FAAH2: variants seen among roughly 807,000 people sequenced by gnomAD.
FAAH2 encodes the protein fatty-acid amide hydrolase 2.
FAAH2 carries 60 observed loss-of-function variants against 36.9 expected under a neutral mutation model. That is an observed-to-expected ratio of 1.63 (90% CI 1.32 to 2.02). The LOEUF is 2.02. Among genes scored for constraint, FAAH2 ranks in the 30% most tolerant of loss-of-function variants. The pLI is 0.00. For missense variants in FAAH2, 689 were observed against 397.5 expected (o/e 1.73, Z -6.23); for synonymous variants, 214 against 143.8 (o/e 1.49, Z -3.49).
the FAAH2 span, among the ~76,000 whole-genome samples, chrX:57,245,759 C>A: frequency 8.9e-6 from 1 of 112,101 alleles, no homozygotes; most frequent in Non-Finnish European, 1.9e-5. Context: ...CACTAAATGC[C>A]CACAAGAGAA....
the FAAH2 span, among the ~76,000 whole-genome samples, chrX:57,207,896 T>C: frequency 8.9e-6 from 1 of 112,703 alleles, no homozygotes. Flanking sequence ...TGTACAGGGG[T>C]GAGGGAATGG....
chrX:57,146,192 C>T, the FAAH2 span, among the ~76,000 whole-genome samples: 1 of 110,694 alleles, frequency 9.0e-6, no homozygotes, highest in Admixed American at 9.6e-5. Flanking sequence ...TTTTCCCCAT[C>T]CATGAGGATG....
chrX:57,389,037 T>C (rs1369695494), intron 7 of FAAH2, among the ~76,000 whole-genome samples: 4 of 109,091 alleles, frequency 3.7e-5, no homozygotes, highest in African/African-American at 1.3e-4. Context: ...AATATTGTTA[T>C]CTTTGAACAA....
the FAAH2 span, among the ~76,000 whole-genome samples, chrX:57,250,331 G>T: frequency 9.0e-6 from 1 of 111,687 alleles, no homozygotes; most frequent in Non-Finnish European, 1.9e-5. Context: ...CATATCATTT[G>T]TAATGGCATC....
At chrX:57,136,158 C>T in the FAAH2 span, 1 of 1,210,782 alleles carries the variant, frequency 8.3e-7, no homozygotes, top group African/African-American at 1.7e-5. Flanking sequence ...CATCCCCCTC[C>T]ATTCATCCTT....
intron 5 of FAAH2, 94 bp downstream of exon 5, chrX:57,341,484 T>G: frequency 1.0e-6 from 1 of 977,612 alleles, no homozygotes; most frequent in East Asian, 3.2e-5. Context: ...CTTATCAGGG[T>G]GATTATTATA....
the FAAH2 span, among the ~76,000 whole-genome samples, chrX:57,213,116 A>G: frequency 1.8e-5 from 2 of 111,590 alleles, no homozygotes; most frequent in Non-Finnish European, 3.8e-5. Context: ...ATTTGTAAGC[A>G]TATACTGGTT....
chrX:57,379,615 A>G (rs1320036601), intron 6 of FAAH2, among the ~76,000 whole-genome samples: 4 of 108,949 alleles, frequency 3.7e-5, no homozygotes, highest in Non-Finnish European at 5.7e-5. Flanking sequence ...AGTGTCTCTC[A>G]TCTTAAAAAG....
chrX:57,421,996 C>T (rs1333024238), intron 7 of FAAH2, among the ~76,000 whole-genome samples: 1 of 111,701 alleles, frequency 9.0e-6, no homozygotes, highest in African/African-American at 3.3e-5. Flanking sequence ...GCTGAAGAGT[C>T]CTGCTCCTGA....
intron 8 of FAAH2, among the ~76,000 whole-genome samples, chrX:57,441,222 A>G (rs1422785820): frequency 9.0e-6 from 1 of 111,232 alleles, no homozygotes; most frequent in Non-Finnish European, 1.9e-5. Flanking sequence ...TCGGCTATGA[A>G]TCTGTCTGGT....
In FAAH2 at chrX:57,446,962, A is replaced by G; in HGVS notation, c.1151A>G (p.His384Arg). ...PVKFVDLLGD[H>R]GKHVSPLWEL... ...AAATTTGTAGATTTGCTTGGTGACCATGGGAAACATGTCAGTCCTCTGTGG... is the reference window on the plus strand; with the variant it reads ...AAATTTGTAGATTTGCTTGGTGACCGTGGGAAACATGTCAGTCCTCTGTGG... The change falls in exon 9 of 11, where the codon CAT becomes CGT. Residue 384 changes from histidine to arginine, a missense_variant. Transcript: ENST00000374900. The G allele has an allele frequency of 2.5e-6, 3 of 1,210,291 alleles. No individual in the cohort carries two copies. The highest frequency in any genetic ancestry group is 3.4e-6 in the Non-Finnish European group (3 of 894,833).
At chrX:57,482,583 A>G (rs2057399237) in intron 10 of FAAH2, among the ~76,000 whole-genome samples, 1 of 109,923 alleles carries the variant, frequency 9.1e-6, no homozygotes, top group South Asian at 4.1e-4. Flanking sequence ...CTGCCTAACC[A>G]GTCCCTACGA....
chrX:57,351,939 G>C (rs747549090), intron 5 of FAAH2, among the ~76,000 whole-genome samples: 1 of 98,122 alleles, frequency 1.0e-5, no homozygotes, highest in East Asian at 3.3e-4. Context: ...ACTTGAAAAG[G>C]AGTGAATTAA....
intron 10 of FAAH2, among the ~76,000 whole-genome samples, chrX:57,462,369 A>G (rs1044324257): frequency 1.8e-5 from 2 of 111,032 alleles, no homozygotes; most frequent in Non-Finnish European, 3.8e-5. Flanking sequence ...AGAAAATTTC[A>G]GGCCAGTATT....
At chrX:57,231,858 G>A in the FAAH2 span, among the ~76,000 whole-genome samples, 1 of 111,582 alleles carries the variant, frequency 9.0e-6, no homozygotes, top group Non-Finnish European at 1.9e-5. Flanking sequence ...ATAAACATTA[G>A]AGGTTGTAGG....
chrX:57,169,500 A>G, the FAAH2 span, among the ~76,000 whole-genome samples: 14 of 152 alleles, frequency 0.092, 1 homozygote, highest in South Asian at 0.52. Context: ...ACACCAGTAT[A>G]TATATATATA....
intron 2 of FAAH2, among the ~76,000 whole-genome samples, chrX:57,295,267 A>G (rs1239137636): frequency 8.0e-5 from 9 of 112,235 alleles, no homozygotes. Flanking sequence ...AGGAAACTGG[A>G]ATCAACTACT....
At chrX:57,163,512 G>A in the FAAH2 span, among the ~76,000 whole-genome samples, 1 of 111,701 alleles carries the variant, frequency 9.0e-6, no homozygotes, top group African/African-American at 3.3e-5. Flanking sequence ...CAATCAGGGA[G>A]ACTCCGTGGG....
intron 7 of FAAH2, among the ~76,000 whole-genome samples, chrX:57,421,331 C>T (rs1476041676): frequency 8.9e-6 from 1 of 112,085 alleles, no homozygotes; most frequent in Non-Finnish European, 1.9e-5. Flanking sequence ...GTAATCCCAG[C>T]TACTCAGCTA....
Sources: allele counts gnomAD v4.1 joint callset (sites outside exome capture counted in the v4.1 genomes callset), GRCh38; gene constraint gnomAD v4.1.1; transcripts MANE v1.5; gene names NCBI Gene and HGNC (gene_info 2026-07-23, HGNC 2026-07-21).